The following MEIOB variants were observed in gnomAD, a reference collection of about 807,000 sequenced individuals.
MEIOB encodes meiosis specific with OB-fold.
A neutral mutation model predicts 53.1 loss-of-function variants in MEIOB; 50 were observed. The observed-to-expected ratio is 0.94, with a 90% CI of 0.75 to 1.19. The LOEUF (loss-of-function observed/expected upper bound fraction) is 1.19, where lower values mean the gene tolerates loss of function less well. Among genes scored for constraint, MEIOB ranks in the 50% most tolerant of loss-of-function variants. MEIOB has a pLI of 0.00. For missense variants in MEIOB, 551 were observed against 550.8 expected (o/e 1.00, Z 0.00); for synonymous variants, 192 against 182.5 (o/e 1.05, Z -0.42).
intron 11 of MEIOB, among the ~76,000 whole-genome samples, chr16:1,841,521 G>A (rs2142079508): frequency 6.6e-6 from 1 of 152,240 alleles, no homozygotes; most frequent in South Asian, 2.1e-4. Flanking sequence ...CATTGCTATA[G>A]GGCCTAGCAA....
intron 12 of MEIOB, 61 bp downstream of exon 12, chr16:1,839,194 T>C: frequency 2.0e-6 from 3 of 1,468,952 alleles, no homozygotes; most frequent in Non-Finnish European, 2.7e-6. Context: ...ACCTATATTT[T>C]TTTGGGAAAA....
intron 1 of MEIOB, among the ~76,000 whole-genome samples, chr16:1,869,548 C>G (rs1040958437): frequency 1.3e-5 from 2 of 150,202 alleles, no homozygotes; most frequent in East Asian, 4.0e-4. Context: ...CCTGGGTTCA[C>G]GCCATTCTCC....
intron 10 of MEIOB, among the ~76,000 whole-genome samples, 153 bp downstream of exon 10, chr16:1,844,709 A>AAAAAGG (rs1898988343): frequency 6.6e-6 from 1 of 152,216 alleles, no homozygotes; most frequent in African/African-American, 2.4e-5. Context: ...AAAGAAAAAG[A>AAAAAGG]AAAAGATGCC....
chr16:1,865,356 C>G (rs79770240), intron 3 of MEIOB, among the ~76,000 whole-genome samples: 3,298 of 151,376 alleles, frequency 0.022, 113 homozygotes, highest in East Asian at 0.092. Context: ...CGATTGAACC[C>G]AGGAGGCAGA....
chr16:1,857,794 C>A lies in MEIOB; in HGVS notation c.469G>T (p.Val157Phe), dbSNP rs769986782. 5 of 1,551,930 alleles carry A rather than the reference C, an allele frequency of 3.2e-6. No homozygotes were observed. Among genetic ancestry groups the A allele is most frequent in the Non-Finnish European group, 4.4e-6 (5 of 1,146,984 alleles). The change falls in exon 6 of 14, where the codon GTT becomes TTT. Residue 157 changes from valine to phenylalanine, a missense_variant. By Grantham distance (50) the Val-to-Phe change is conservative. Transcript: ENST00000325962. ...SHDYYSLGDIVANGHSLNGRI... is the reference protein window; with the variant it reads ...SHDYYSLGDIFANGHSLNGRI... Reference sequence around the variant, plus strand: ...CCATTAAGACTGTGTCCATTTGCAACAATGTCACCCAGTGAATAATAATCA... The same window carrying A: ...CCATTAAGACTGTGTCCATTTGCAAAAATGTCACCCAGTGAATAATAATCA...
At chr16:1,869,634 G>A (rs1306131525) in intron 1 of MEIOB, among the ~76,000 whole-genome samples, 1 of 151,406 alleles carries the variant, frequency 6.6e-6, no homozygotes, top group East Asian at 2.0e-4. Flanking sequence ...TGCATTTTTA[G>A]TAGAGACGGG....
At chr16:1,835,618 G>T (rs565071005) in intron 13 of MEIOB, among the ~76,000 whole-genome samples, 43 of 152,236 alleles carry the variant, frequency 2.8e-4, no homozygotes, top group African/African-American at 9.9e-4. Flanking sequence ...GCTAGAACAC[G>T]TTCAGAGCTG....
chr16:1,860,398 C>A lies in MEIOB; in HGVS notation c.332+5G>T. 1 of 1,487,342 alleles carries A rather than the reference C, an allele frequency of 6.7e-7. No homozygotes were observed. The highest frequency in any genetic ancestry group is 9.2e-7 in the Non-Finnish European group (1 of 1,089,142). The allele number at this position is 1,487,342 out of a possible 1,614,324, so 92.1% of individuals were successfully genotyped here. A position where few individuals can be genotyped will look rare whatever the true frequency, so the allele number is the denominator to read the frequency against. On this transcript the variant is annotated splice_donor_5th_base_variant and intron_variant, in intron 5 of 13. Coordinates refer to ENST00000325962, the MANE Select transcript of MEIOB (RefSeq NM_001163560.3). Reference sequence around the variant, plus strand: ...GCACAATCTCTGTGCTAGACAGATGCTTACCTAGGAGTTGCAGGGCTGAAT... The same window carrying A: ...GCACAATCTCTGTGCTAGACAGATGATTACCTAGGAGTTGCAGGGCTGAAT...
At position 1,854,071 on chromosome 16, in the gene MEIOB, C is replaced by G. The variant is rs1356158941; in HGVS notation, c.629+29G>C. 2.2e-6 allele frequency: 3 copies of G among 1,335,104 alleles called. No homozygotes were observed. In the African/African-American group the frequency reaches 4.4e-5, roughly 19 times the overall value. The allele number at this position is 1,335,104 out of a possible 1,614,324, so 82.7% of individuals were successfully genotyped here. ...GTCCTGGTGATAACTACAGGGATTTCACAGTTTGGAACAGACATCGGTGTT... is the reference window on the plus strand; with the variant it reads ...GTCCTGGTGATAACTACAGGGATTTGACAGTTTGGAACAGACATCGGTGTT... On this transcript the variant is annotated intron_variant, in intron 7 of 13. Coordinates refer to ENST00000325962, the MANE Select transcript of MEIOB (RefSeq NM_001163560.3).
intron 2 of MEIOB, among the ~76,000 whole-genome samples, chr16:1,867,507 C>CAA (rs1899625609): frequency 1.2e-5 from 1 of 80,510 alleles, no homozygotes; most frequent in Non-Finnish European, 2.2e-5. Context: ...AAGAGTTTTG[C>CAA]TCTTGTTGCC....
chr16:1,839,664 G>C, intron 11 of MEIOB: 1 of 453,742 alleles, frequency 2.2e-6, no homozygotes. Flanking sequence ...TCCTCTGCCT[G>C]CCCTCCTTCC....
intron 9 of MEIOB, among the ~76,000 whole-genome samples, chr16:1,845,329 C>G (rs543060963): frequency 5.9e-5 from 9 of 152,246 alleles, no homozygotes; most frequent in African/African-American, 1.9e-4. Flanking sequence ...ACCATCCTGG[C>G]TAACATGGTG....
chr16:1,857,677 C>A, intron 6 of MEIOB, 58 bp downstream of exon 6: 1 of 1,370,114 alleles, frequency 7.3e-7, no homozygotes, highest in Non-Finnish European at 1.0e-6. Flanking sequence ...AAACACAGAT[C>A]AAGTGACTGC....
At chr16:1,850,704 C>T (rs1742417) in intron 9 of MEIOB, among the ~76,000 whole-genome samples, 103,126 of 151,518 alleles carry the variant, frequency 0.68, 35,239 homozygotes, top group Middle Eastern at 0.8. Context: ...GCAGATCACA[C>T]GGTCAGGAGA....
intron 3 of MEIOB, among the ~76,000 whole-genome samples, chr16:1,864,730 C>T (rs546747459): frequency 3.9e-5 from 6 of 152,088 alleles, no homozygotes; most frequent in African/African-American, 9.6e-5. Context: ...TCAGGTGATC[C>T]GCCCACCTCA....
chr16:1,853,840 T>C (rs1159861648), intron 7 of MEIOB, among the ~76,000 whole-genome samples: 1 of 152,152 alleles, frequency 6.6e-6, no homozygotes, highest in East Asian at 1.9e-4. Context: ...TAAAACATCA[T>C]TTGTTACACG....
rs1199352557 is a variant in MEIOB, at chr16:1,862,131, A to G, written c.128-15T>C. 4 of 1,545,720 alleles carry G rather than the reference A, an allele frequency of 2.6e-6. No homozygotes were observed. Among genetic ancestry groups the G allele is most frequent in the Non-Finnish European group, 3.5e-6 (4 of 1,144,096 alleles). ...TGATCCAATATCTAAGGGAAAACCA[A>G]TGCTTTTATTTTTCAAATGAAGAGT... is the stretch of plus-strand genomic sequence containing the variant. On this transcript the variant is annotated splice_polypyrimidine_tract_variant and intron_variant, in intron 3 of 13. Transcript: ENST00000325962.
At chr16:1,866,928 T>A (rs1899608440) in intron 2 of MEIOB, among the ~76,000 whole-genome samples, 1 of 152,188 alleles carries the variant, frequency 6.6e-6, no homozygotes, top group Non-Finnish European at 1.5e-5. Context: ...ACATTGATAT[T>A]ATTTCTTCAA....
chr16:1,840,194 G>A (rs1028233082), intron 11 of MEIOB: 8 of 152,054 alleles, frequency 5.3e-5, no homozygotes, highest in East Asian at 1.9e-4. Flanking sequence ...AATAATAAAT[G>A]TACAGGAAAA....
Sources: gnomAD v4.1 joint callset for allele counts (sites outside exome capture counted in the v4.1 genomes callset) on GRCh38, gnomAD v4.1.1 for gene constraint, MANE v1.5 for transcripts, NCBI Gene and HGNC (gene_info 2026-07-23, HGNC 2026-07-21) for gene names.